Variants in PPP4R3B observed in about 807,000 individuals in gnomAD.
PPP4R3B encodes the protein protein phosphatase 4 regulatory subunit 3B, also known as serine/threonine-protein phosphatase 4 regulatory subunit 3B.
A neutral mutation model predicts 95.4 loss-of-function variants in PPP4R3B; 52 were observed. The observed-to-expected ratio is 0.54, with a 90% confidence interval of 0.44 to 0.69. PPP4R3B has a LOEUF of 0.69. Among genes scored for constraint, PPP4R3B ranks in the 30% least tolerant of loss-of-function variants. PPP4R3B has a pLI of 0.00. For missense variants in PPP4R3B, 1,003 were observed against 1,005.9 expected (o/e 1.00, Z 0.04); for synonymous variants, 407 against 343.9 (o/e 1.18, Z -2.03).
At chr2:55,611,848 C>T (rs1010640306) in intron 2 of PPP4R3B, among the ~76,000 whole-genome samples, 3 of 152,116 alleles carry the variant, frequency 2.0e-5, no homozygotes, top group Non-Finnish European at 4.4e-5. Flanking sequence ...CCCGTCTCAC[C>T]TCCAGAAGTA....
chr2:55,580,880 A>C (rs1349541153), intron 8 of PPP4R3B, among the ~76,000 whole-genome samples: 1 of 152,178 alleles, frequency 6.6e-6, no homozygotes, highest in East Asian at 1.9e-4. Context: ...AAAATGTCTT[A>C]GGTAATTAAG....
intron 8 of PPP4R3B, among the ~76,000 whole-genome samples, chr2:55,581,005 C>A (rs988659746): frequency 6.6e-6 from 1 of 152,110 alleles, no homozygotes; most frequent in African/African-American, 2.4e-5. Flanking sequence ...GTAATCCCAG[C>A]ACTTTGGGAG....
In PPP4R3B at chr2:55,617,448, G is replaced by C. The variant is rs937642439; in HGVS notation, c.-163C>G. The C allele has an allele frequency of 7.3e-6, 6 of 822,408 alleles. No individual in the cohort carries two copies. The highest frequency in any genetic ancestry group is 1.0e-5 in the Non-Finnish European group (6 of 577,298). The allele number at this position is 822,408 out of a possible 1,614,324, so 50.9% of individuals were successfully genotyped here. On this transcript the variant is annotated 5_prime_UTR_variant, in exon 1 of 17. Transcript: ENST00000616407. ...TCCAAAGGTTCAGCCGCGAGAAGGG[G>C]TGACAAGAGCCACTGAGGCCTCTCC...
At chr2:55,553,847 A>C (rs1267751764) in intron 16 of PPP4R3B, among the ~76,000 whole-genome samples, 2 of 152,210 alleles carry the variant, frequency 1.3e-5, no homozygotes, top group Non-Finnish European at 2.9e-5. Context: ...GTATCCATTC[A>C]TCAGCTGAGA....
At chr2:55,572,427 A>G (rs149719570) in intron 12 of PPP4R3B, among the ~76,000 whole-genome samples, 2 of 152,354 alleles carry the variant, frequency 1.3e-5, no homozygotes, top group East Asian at 1.9e-4. Flanking sequence ...TAAGAAAAAG[A>G]TAACTGGCAA....
At chr2:55,583,623 T>C (rs1405072789) in intron 7 of PPP4R3B, among the ~76,000 whole-genome samples, 1 of 152,172 alleles carries the variant, frequency 6.6e-6, no homozygotes, top group Non-Finnish European at 1.5e-5. Context: ...TTCAAAGTTA[T>C]CTTTTGTAAA....
chr2:55,588,058 T>A lies in PPP4R3B; in HGVS notation c.999+821A>T, dbSNP rs748283311. Among the ~76,000 whole-genome samples, 3 of 152,068 alleles carry A rather than the reference T, an allele frequency of 2.0e-5. 1 individual carries two copies. The highest frequency in any genetic ancestry group is 7.2e-5 in the African/African-American group (3 of 41,404). ...CTCATCTCATTATGTTTGAAAAAAATGTCAAACATCTGGCAAACGGCAATC... is the reference window on the plus strand; with the variant it reads ...CTCATCTCATTATGTTTGAAAAAAAAGTCAAACATCTGGCAAACGGCAATC... On this transcript the variant is annotated intron_variant, in intron 5 of 16. Transcript: ENST00000616407.
chr2:55,571,241 C>G (rs1360298549), intron 12 of PPP4R3B, among the ~76,000 whole-genome samples: 1 of 151,778 alleles, frequency 6.6e-6, no homozygotes, highest in Non-Finnish European at 1.5e-5. Context: ...AACCGGGAAG[C>G]AGAAGCTGCA....
intron 11 of PPP4R3B, among the ~76,000 whole-genome samples, chr2:55,575,914 T>C (rs951155565): frequency 1.3e-5 from 2 of 152,242 alleles, no homozygotes; most frequent in African/African-American, 4.8e-5. Context: ...GACCATCACA[T>C]ATAAATACAC....
At chr2:55,601,181 A>C (rs1167765922) in intron 3 of PPP4R3B, among the ~76,000 whole-genome samples, 1 of 149,482 alleles carries the variant, frequency 6.7e-6, no homozygotes, top group Non-Finnish European at 1.5e-5. Flanking sequence ...GCCTCAAGAA[A>C]GGCTGAAGGC....
intron 3 of PPP4R3B, among the ~76,000 whole-genome samples, chr2:55,601,178 G>A (rs533447177): frequency 6.9e-6 from 1 of 144,292 alleles, no homozygotes; most frequent in African/African-American, 2.6e-5. Context: ...GATGCCTCAA[G>A]AAAGGCTGAA....
chr2:55,572,352 T>C (rs1270759654), intron 12 of PPP4R3B, among the ~76,000 whole-genome samples: 2 of 152,114 alleles, frequency 1.3e-5, no homozygotes, highest in African/African-American at 2.4e-5. Context: ...CAAAAGACAA[T>C]GAAGATGGAC....
chr2:55,599,136 C>T, intron 3 of PPP4R3B, 97 bp from the exon 4 acceptor site: 1 of 1,169,792 alleles, frequency 8.5e-7, no homozygotes, highest in Non-Finnish European at 1.2e-6. Flanking sequence ...CTAGTCACTA[C>T]TAATTAAAAG....
chr2:55,553,967 C>T lies in PPP4R3B; in HGVS notation c.2455-3961G>A, dbSNP rs148788524. Among the ~76,000 whole-genome samples, 556 of 152,170 alleles carry T rather than the reference C, an allele frequency of 3.7e-3. 2 individuals are homozygous for T. Among genetic ancestry groups the T allele is most frequent in the South Asian group, 7.9e-3 (38 of 4,814 alleles). ...TTTTCAATTTTCTTACAATATATACCTAGGAAATGAGGTAGCTGGGTCATA... is the reference window on the plus strand; with the variant it reads ...TTTTCAATTTTCTTACAATATATACTTAGGAAATGAGGTAGCTGGGTCATA... On this transcript the variant is annotated intron_variant, in intron 16 of 16. Coordinates refer to ENST00000616407, the MANE Select transcript of PPP4R3B (RefSeq NM_001122964.3).
intron 15 of PPP4R3B, 92 bp from the exon 16 acceptor site, chr2:55,559,060 A>C: frequency 9.6e-7 from 1 of 1,036,300 alleles, no homozygotes; most frequent in Non-Finnish European, 1.4e-6. Flanking sequence ...CTTATAAAAC[A>C]TTGCTGCCCG....
At chr2:55,591,653 ATTC>A (rs1691042367) in intron 4 of PPP4R3B, 2 of 984,922 alleles carry the variant, frequency 2.0e-6, no homozygotes, top group South Asian at 4.7e-5. Flanking sequence ...TCCCACTTGA[ATTC>A]TTCTTATATG....
At chr2:55,560,450 C>A (rs1471851479) in intron 15 of PPP4R3B, among the ~76,000 whole-genome samples, 1 of 152,082 alleles carries the variant, frequency 6.6e-6, no homozygotes. Context: ...TTTAGGATAT[C>A]TGGTGGAAGA....
intron 3 of PPP4R3B, among the ~76,000 whole-genome samples, chr2:55,601,529 C>T (rs904515828): frequency 1.3e-5 from 2 of 151,974 alleles, no homozygotes; most frequent in Non-Finnish European, 2.9e-5. Flanking sequence ...TACAGGTGCC[C>T]ACCACCATGC....
chr2:55,577,122 G>A (rs1459719738), intron 11 of PPP4R3B, among the ~76,000 whole-genome samples, 193 bp downstream of exon 11: 1 of 152,096 alleles, frequency 6.6e-6, no homozygotes, highest in East Asian at 1.9e-4. Context: ...AATTTTCAGG[G>A]AAAAACAACA....
Sources: gnomAD v4.1 joint callset for allele counts (sites outside exome capture counted in the v4.1 genomes callset) on GRCh38, gnomAD v4.1.1 for gene constraint, MANE v1.5 for transcripts, NCBI Gene and HGNC (gene_info 2026-07-23, HGNC 2026-07-21) for gene names.